PALM2AKAP2: variants seen among roughly 807,000 people sequenced by gnomAD.
PALM2AKAP2 encodes the protein PALM2 and AKAP2 fusion.
Under a neutral mutation model 71.5 loss-of-function variants are expected in PALM2AKAP2, and 37 were observed. The ratio of observed to expected loss-of-function variants is 0.52; its 90% CI spans 0.40 to 0.68. The LOEUF (loss-of-function observed/expected upper bound fraction) is 0.68. PALM2AKAP2 is among the 30% of genes least tolerant of loss of function. The probability of loss-of-function intolerance (pLI) is 0.00; values close to 1 mark genes in which losing one functional copy is unlikely to be tolerated. For synonymous variants in PALM2AKAP2, 468 were observed against 478.8 expected (o/e 0.98, Z 0.29); for missense variants, 1,224 against 1,191.8 (o/e 1.03, Z -0.40).
chr9:110,035,253 A>T (rs1044034356), intron 7 of PALM2AKAP2, among the ~76,000 whole-genome samples: 1 of 122,818 alleles, frequency 8.1e-6, no homozygotes, highest in South Asian at 2.4e-4. Flanking sequence ...TAATTATATT[A>T]TATACACACA....
At chr9:109,903,616 C>A (rs1170502339) in intron 3 of PALM2AKAP2, among the ~76,000 whole-genome samples, 1 of 152,166 alleles carries the variant, frequency 6.6e-6, no homozygotes, top group Non-Finnish European at 1.5e-5. Flanking sequence ...AATGAACTTT[C>A]TCCTCCTAAG....
At chr9:109,689,953 G>C (rs138385266) in intron 1 of PALM2AKAP2, among the ~76,000 whole-genome samples, 5 of 152,298 alleles carry the variant, frequency 3.3e-5, no homozygotes, top group Non-Finnish European at 7.4e-5. Flanking sequence ...GGCCAGGAAT[G>C]TCATGGAGAT....
exon 2 of PALM2AKAP2, chr9:110,137,427 T>G (rs1835910639): frequency 6.2e-7 from 1 of 1,613,970 alleles, no homozygotes; most frequent in Non-Finnish European, 8.5e-7. Flanking sequence ...CCCGGTGCCC[T>G]GGAGACCCCA....
intron 1 of PALM2AKAP2, among the ~76,000 whole-genome samples, chr9:110,096,446 T>TATTTATTTATTTATTTATTTATTTATTA (rs551422085): frequency 9.8e-4 from 149 of 151,950 alleles, no homozygotes; most frequent in African/African-American, 3.4e-3. Context: ...TTTATTTATT[T>TATTTATTTATTTATTTATTTATTTATTA]ATTAAGATGG....
At chr9:109,700,226 G>A (rs1391649231) in intron 1 of PALM2AKAP2, among the ~76,000 whole-genome samples, 1 of 152,102 alleles carries the variant, frequency 6.6e-6, no homozygotes, top group African/African-American at 2.4e-5. Flanking sequence ...GTCATGGGAG[G>A]GACGTGGTGG....
At chr9:109,674,447 T>A (rs1430593663) in intron 1 of PALM2AKAP2, among the ~76,000 whole-genome samples, 1 of 152,062 alleles carries the variant, frequency 6.6e-6, no homozygotes, top group Non-Finnish European at 1.5e-5. Flanking sequence ...CTGGGATTTA[T>A]CTTCCTCTGA....
At chr9:110,077,765 C>T (rs564958835) in intron 1 of PALM2AKAP2, among the ~76,000 whole-genome samples, 2 of 152,252 alleles carry the variant, frequency 1.3e-5, no homozygotes, top group South Asian at 4.2e-4. Context: ...CCTGTAATCC[C>T]AGCACTTTGG....
chr9:109,651,342 G>T (rs1162266618), intron 1 of PALM2AKAP2, among the ~76,000 whole-genome samples: 1 of 152,162 alleles, frequency 6.6e-6, no homozygotes, highest in Non-Finnish European at 1.5e-5. Flanking sequence ...CCCACTGCTG[G>T]TAGCCACTTC....
chr9:109,939,949 A>C (rs1480139856), intron 6 of PALM2AKAP2, among the ~76,000 whole-genome samples: 1 of 152,258 alleles, frequency 6.6e-6, no homozygotes. Context: ...AACCAGGAAC[A>C]GAGTGTATCT....
At chr9:109,737,251 A>G (rs1351209540) in intron 1 of PALM2AKAP2, among the ~76,000 whole-genome samples, 1 of 152,244 alleles carries the variant, frequency 6.6e-6, no homozygotes, top group Non-Finnish European at 1.5e-5. Flanking sequence ...AGTGGTCAGC[A>G]TGACCAACTT....
At chr9:110,067,205 C>T (rs954981860) in intron 1 of PALM2AKAP2, among the ~76,000 whole-genome samples, 1 of 152,046 alleles carries the variant, frequency 6.6e-6, no homozygotes, top group Non-Finnish European at 1.5e-5. Context: ...ACAGTGCTAT[C>T]ATGGCTGATC....
chr9:109,653,683 C>G (rs1298546804), intron 1 of PALM2AKAP2, among the ~76,000 whole-genome samples: 1 of 152,164 alleles, frequency 6.6e-6, no homozygotes, highest in African/African-American at 2.4e-5. Context: ...GTGTTCCCAA[C>G]AAGCTTCCCA....
intron 1 of PALM2AKAP2, among the ~76,000 whole-genome samples, chr9:109,854,604 A>G (rs1476587658): frequency 2.0e-5 from 3 of 152,194 alleles, no homozygotes; most frequent in African/African-American, 7.2e-5. Flanking sequence ...CCTACCATCT[A>G]GATACAACCT....
At chr9:109,992,958 G>T (rs140913046) in intron 6 of PALM2AKAP2, among the ~76,000 whole-genome samples, 11,480 of 127,630 alleles carry the variant, frequency 0.09, 467 homozygotes, top group Non-Finnish European at 0.11. Context: ...TATATATAGA[G>T]AGAGAGAGAG....
chr9:109,954,993 C>T (rs532260931), intron 6 of PALM2AKAP2, among the ~76,000 whole-genome samples: 1 of 152,312 alleles, frequency 6.6e-6, no homozygotes, highest in South Asian at 2.1e-4. Flanking sequence ...CCAACACCAA[C>T]ACCACCACCA....
Position 109,956,861 on chromosome 9 carries a change from C to T in PALM2AKAP2, c.496+24833C>T, listed in dbSNP as rs1222884932. ...GTTACATAATGCCATGCCCACTTAC[C>T]CCCAAAATTTAGGAAACACTGTCTT... On this transcript the variant is annotated intron_variant, in intron 6 of 9. Coordinates refer to the PALM2AKAP2 transcript ENST00000302798. 3.3e-5 allele frequency among the ~76,000 whole-genome samples: 5 copies of T among 152,068 alleles called. No homozygotes were observed. In the East Asian group the frequency reaches 5.8e-4, roughly 18 times the overall value.
At position 109,696,549 on chromosome 9, in the gene PALM2AKAP2, A is replaced by C. The variant is rs374094561; in HGVS notation, c.5+55683A>C. On this transcript the variant is annotated intron_variant, in intron 1 of 6. Transcript: ENST00000374531. ...TATCTATCAGAATTTTAAAGTTTATAGCTTTTGACCTGGTTATTTCGCTTC... is the reference window on the plus strand; with the variant it reads ...TATCTATCAGAATTTTAAAGTTTATCGCTTTTGACCTGGTTATTTCGCTTC... Among the ~76,000 whole-genome samples, 12 of 152,322 alleles carry C rather than the reference A, an allele frequency of 7.9e-5. No individual in the cohort carries two copies. The South Asian group carries it at 2.5e-3, about 32-fold the overall frequency.
chr9:110,058,063 C>T (rs1833883702), intron 1 of PALM2AKAP2, among the ~76,000 whole-genome samples: 1 of 152,152 alleles, frequency 6.6e-6, no homozygotes, highest in South Asian at 2.1e-4. Flanking sequence ...CCCCTTCCAC[C>T]AACAAAGAAT....
intron 6 of PALM2AKAP2, among the ~76,000 whole-genome samples, chr9:109,974,264 G>A (rs1658040276): frequency 6.6e-6 from 1 of 152,174 alleles, no homozygotes; most frequent in Admixed American, 6.5e-5. Flanking sequence ...AATTCTAAAG[G>A]GCACTCACAA....
Sources: allele counts gnomAD v4.1 joint callset (sites outside exome capture counted in the v4.1 genomes callset), GRCh38; gene constraint gnomAD v4.1.1; transcripts MANE v1.5; gene names NCBI Gene and HGNC (gene_info 2026-07-23, HGNC 2026-07-21).